Variants in GPC5 observed in about 807,000 individuals in gnomAD.
GPC5 encodes glypican-5.
In GPC5, 47 loss-of-function variants were observed where a neutral mutation model predicts 53.9. The ratio of observed to expected loss-of-function variants is 0.87; its 90% CI spans 0.69 to 1.11. GPC5 has a LOEUF of 1.11. Ranked by LOEUF, GPC5 falls within the 50% of genes most tolerant of loss-of-function variation. GPC5 has a pLI of 0.00. For missense variants in GPC5, 748 were observed against 713.1 expected, an observed-to-expected ratio of 1.05 and a Z score of -0.56; for synonymous variants, 286 against 263.3, an observed-to-expected ratio of 1.09 and a Z score of -0.84.
intron 6 of GPC5, among the ~76,000 whole-genome samples, chr13:92,019,203 C>G (rs575827774): frequency 6.6e-6 from 1 of 151,940 alleles, no homozygotes; most frequent in South Asian, 2.1e-4. Flanking sequence ...TACACATACT[C>G]TCTCTCTATA....
chr13:92,302,267 A>T lies in GPC5; in HGVS notation c.1561+157278A>T, dbSNP rs35945873. Among the ~76,000 whole-genome samples, 1,172 of 152,232 alleles carry T rather than the reference A, an allele frequency of 7.7e-3. 5 individuals carry two copies. The highest frequency in any genetic ancestry group is 0.013 in the Non-Finnish European group (853 of 68,006). Reference sequence around the variant, plus strand: ...ATTATGTTGTTTGAGGACAGGCAAGATAATACCCATAGGGAAAAGAATAAA... The same window carrying T: ...ATTATGTTGTTTGAGGACAGGCAAGTTAATACCCATAGGGAAAAGAATAAA... On this transcript the variant is annotated intron_variant, in intron 7 of 7. Transcript: ENST00000377067.
intron 7 of GPC5, among the ~76,000 whole-genome samples, chr13:92,832,254 T>A (rs1184360715): frequency 6.6e-6 from 1 of 152,006 alleles, no homozygotes; most frequent in African/African-American, 2.4e-5. Context: ...AAAGAAACTG[T>A]GAGTTTTCAA....
At chr13:92,645,142 G>A (rs1379774421) in intron 7 of GPC5, among the ~76,000 whole-genome samples, 1 of 152,102 alleles carries the variant, frequency 6.6e-6, no homozygotes, top group Non-Finnish European at 1.5e-5. Context: ...CTCCTCTGGT[G>A]CCCCTTTAAA....
intron 2 of GPC5, among the ~76,000 whole-genome samples, chr13:91,515,336 A>AT (rs1287931152): frequency 5.9e-5 from 9 of 152,056 alleles, no homozygotes; most frequent in Middle Eastern, 3.4e-3. Flanking sequence ...CTAAATGTAC[A>AT]TTTTTTTTGA....
chr13:92,721,138 A>G (rs1309444031), intron 7 of GPC5, among the ~76,000 whole-genome samples: 1 of 152,062 alleles, frequency 6.6e-6, no homozygotes, highest in Non-Finnish European at 1.5e-5. Flanking sequence ...AGGGAACTGA[A>G]TGAAATGTCA....
At chr13:92,432,639 T>C (rs999460991) in intron 7 of GPC5, among the ~76,000 whole-genome samples, 5 of 151,792 alleles carry the variant, frequency 3.3e-5, no homozygotes, top group Admixed American at 6.6e-5. Context: ...CCTCCCAAAA[T>C]GCTGGGATTA....
chr13:92,659,659 A>G (rs1168607164), intron 7 of GPC5, among the ~76,000 whole-genome samples: 2 of 152,178 alleles, frequency 1.3e-5, no homozygotes, highest in African/African-American at 4.8e-5. Context: ...AGTTGTACCA[A>G]TTTCATTTTT....
rs1566549601 is a variant in GPC5 at position 92,347,857 on chromosome 13, A to ATATATAT, written c.1561+202876_1561+202882dup. On this transcript the variant is annotated intron_variant, in intron 7 of 7. Transcript: ENST00000377067. ...GCTTGAAATAGGCTGTTTTATACAT[A>ATATATAT]TATATATTATATATATAATATATAT... Among the ~76,000 whole-genome samples, 3 of 16,264 alleles carry ATATATAT rather than the reference A, an allele frequency of 1.8e-4. No homozygotes were observed. In the Admixed American group the frequency reaches 3.5e-3, roughly 19 times the overall value. The allele number at this position is 16,264 out of a possible 152,430, so 10.7% of individuals were successfully genotyped here.
chr13:92,179,130 A>C (rs1464114302), intron 7 of GPC5, among the ~76,000 whole-genome samples: 1 of 152,136 alleles, frequency 6.6e-6, no homozygotes, highest in African/African-American at 2.4e-5. Flanking sequence ...TGAGTAATTA[A>C]TAGTTTCTTT....
chr13:92,288,788 C>T (rs1021820801), intron 7 of GPC5, among the ~76,000 whole-genome samples: 4 of 152,082 alleles, frequency 2.6e-5, no homozygotes, highest in Admixed American at 1.3e-4. Flanking sequence ...ATATAACACA[C>T]TTAGATTATT....
At chr13:92,798,820 T>C (rs1876798563) in intron 7 of GPC5, among the ~76,000 whole-genome samples, 1 of 151,856 alleles carries the variant, frequency 6.6e-6, no homozygotes, top group African/African-American at 2.4e-5. Context: ...AAATTGTAAG[T>C]CACGTGAATT....
At chr13:92,312,406 A>T (rs1159750881) in intron 7 of GPC5, among the ~76,000 whole-genome samples, 1 of 152,194 alleles carries the variant, frequency 6.6e-6, no homozygotes, top group African/African-American at 2.4e-5. Flanking sequence ...TGTGTTACAT[A>T]ATATTCTGAA....
chr13:92,173,077 T>G, intron 7 of GPC5, among the ~76,000 whole-genome samples: 1 of 151,850 alleles, frequency 6.6e-6, no homozygotes, highest in Non-Finnish European at 1.5e-5. Context: ...TGCTTATAGA[T>G]TCAATCAATC....
intron 2 of GPC5, among the ~76,000 whole-genome samples, chr13:91,465,551 T>C (rs868282014): frequency 3.0e-4 from 46 of 152,174 alleles, no homozygotes; most frequent in African/African-American, 8.9e-4. Context: ...ACACCTTCAG[T>C]TGACATTTCT....
At chr13:91,939,721 A>G (rs1374262533) in intron 6 of GPC5, among the ~76,000 whole-genome samples, 1 of 152,172 alleles carries the variant, frequency 6.6e-6, no homozygotes, top group African/African-American at 2.4e-5. Flanking sequence ...AGATGACTTC[A>G]GAAGATTAGA....
At chr13:92,421,490 G>C (rs1217944430) in intron 7 of GPC5, among the ~76,000 whole-genome samples, 5 of 152,020 alleles carry the variant, frequency 3.3e-5, no homozygotes, top group African/African-American at 9.7e-5. Flanking sequence ...ACGAGGTCAG[G>C]AGATCGAAAC....
At chr13:92,323,075 C>A (rs993387848) in intron 7 of GPC5, among the ~76,000 whole-genome samples, 2 of 151,232 alleles carry the variant, frequency 1.3e-5, no homozygotes, top group Non-Finnish European at 1.5e-5. Flanking sequence ...AATCTATATA[C>A]TGATTTCTTA....
intron 7 of GPC5, among the ~76,000 whole-genome samples, chr13:92,715,154 G>A (rs747025692): frequency 2.0e-5 from 3 of 152,102 alleles, no homozygotes; most frequent in South Asian, 2.1e-4. Context: ...ATGTTGCAAC[G>A]AAAAATATAA....
At chr13:91,745,460 C>T (rs933088335) in intron 4 of GPC5, among the ~76,000 whole-genome samples, 1 of 151,994 alleles carries the variant, frequency 6.6e-6, no homozygotes, top group Admixed American at 6.6e-5. Context: ...CTCTGAGCTC[C>T]TTTCCATCTC....
Sources: gnomAD v4.1 joint callset for allele counts (sites outside exome capture counted in the v4.1 genomes callset) on GRCh38, gnomAD v4.1.1 for gene constraint, MANE v1.5 for transcripts, NCBI Gene and HGNC (gene_info 2026-07-23, HGNC 2026-07-21) for gene names.